Variants in NID1 observed in about 807,000 individuals in gnomAD.
The protein encoded by NID1 is nidogen-1.
In NID1, 76 loss-of-function variants were observed where a neutral mutation model predicts 130.6. The ratio of observed to expected loss-of-function variants is 0.58; its 90% CI spans 0.48 to 0.70. NID1 has a LOEUF of 0.70. NID1 is among the 30% of genes least tolerant of loss of function. The pLI, the probability that NID1 is intolerant of heterozygous loss-of-function variation, is 0.00. For synonymous variants in NID1, 665 were observed against 675.1 expected (o/e 0.98, Z 0.23); for missense variants, 1,517 against 1,664.8 (o/e 0.91, Z 1.54).
chr1:236,034,093 G>A (rs1035387305), intron 5 of NID1, among the ~76,000 whole-genome samples: 8 of 152,026 alleles, frequency 5.3e-5, no homozygotes, highest in African/African-American at 1.9e-4. Context: ...AACAAAATAC[G>A]GTACCTCCAT....
At chr1:236,063,504 A>T (rs955633466) in intron 1 of NID1, among the ~76,000 whole-genome samples, 4 of 151,910 alleles carry the variant, frequency 2.6e-5, no homozygotes, top group Non-Finnish European at 4.4e-5. Context: ...ATAAATAAAT[A>T]AAGTAAGCAT....
chr1:236,053,507 C>A (rs1347194059), intron 1 of NID1, among the ~76,000 whole-genome samples: 3 of 152,130 alleles, frequency 2.0e-5, no homozygotes, highest in Admixed American at 6.6e-5. Context: ...TATCCTTATT[C>A]CTCAGCTGAA....
chr1:236,024,318 C>A, intron 8 of NID1, 105 bp from the exon 9 acceptor site: 1 of 1,365,966 alleles, frequency 7.3e-7, no homozygotes, highest in Non-Finnish European at 1.0e-6. Context: ...AAGGTGATCA[C>A]AGAAGAGCAG....
intron 1 of NID1, among the ~76,000 whole-genome samples, chr1:236,056,592 G>A (rs138193789): frequency 1.3e-3 from 194 of 152,072 alleles, no homozygotes; most frequent in African/African-American, 4.5e-3. Flanking sequence ...TCCTTCTATC[G>A]AACTGTATGT....
intron 1 of NID1, among the ~76,000 whole-genome samples, chr1:236,049,802 G>A (rs1438052065): frequency 6.6e-6 from 1 of 151,772 alleles, no homozygotes; most frequent in Non-Finnish European, 1.5e-5. Context: ...CACTTTGGGA[G>A]GCCGAGGTGG....
chr1:236,047,841 A>G (rs1173786601), intron 2 of NID1, among the ~76,000 whole-genome samples: 1 of 151,320 alleles, frequency 6.6e-6, no homozygotes, highest in East Asian at 1.9e-4. Flanking sequence ...AGCCTGGCCA[A>G]TGTGGTGAAA....
rs1433504726 is a variant in NID1, at chr1:235,979,210, A to G, written c.3510-103T>C. The G allele has an allele frequency of 1.4e-6, 1 of 730,366 alleles. No individual in the cohort carries two copies. The highest frequency in any genetic ancestry group is 2.7e-5 in the East Asian group (1 of 37,260). The allele number at this position is 730,366 out of a possible 1,614,324, so 45.2% of individuals were successfully genotyped here. ...TCATTTTGAGGATAAACTGGAGGCC[A>G]TAAACAGACATGATGGCCTTCTTCC... On this transcript the variant is annotated intron_variant, in intron 18 of 19. Coordinates refer to ENST00000264187, the MANE Select transcript of NID1 (RefSeq NM_002508.3). The surrounding 1 kb of genome is among the most constrained non-coding windows in gnomAD (Gnocchi z 4.6).
At chr1:236,054,823 G>A (rs1385649119) in intron 1 of NID1, among the ~76,000 whole-genome samples, 2 of 151,466 alleles carry the variant, frequency 1.3e-5, no homozygotes, top group South Asian at 2.1e-4. Flanking sequence ...TATATTTTTA[G>A]TGGACACAGG....
At chr1:235,983,725 C>G in intron 15 of NID1, among the ~76,000 whole-genome samples, 1 of 152,140 alleles carries the variant, frequency 6.6e-6, no homozygotes, top group Middle Eastern at 3.2e-3. Context: ...GCTACTCTTC[C>G]AAGGGAAAGG....
At chr1:236,038,819 T>C (rs11584468) in intron 4 of NID1, among the ~76,000 whole-genome samples, 3,108 of 108,648 alleles carry the variant, frequency 0.029, 307 homozygotes, top group African/African-American at 0.063. Context: ...ATTACCTATG[T>C]TATATAGGTC....
intron 15 of NID1, among the ~76,000 whole-genome samples, chr1:235,983,292 C>T (rs964307330): frequency 2.0e-5 from 3 of 152,152 alleles, no homozygotes; most frequent in African/African-American, 7.2e-5. Context: ...ATCAGAGCCC[C>T]CAGAAAGAAA....
intron 12 of NID1, among the ~76,000 whole-genome samples, chr1:236,004,617 C>G (rs1285194200): frequency 1.3e-5 from 2 of 151,440 alleles, no homozygotes; most frequent in South Asian, 2.1e-4. Context: ...AAAAAATTAG[C>G]CAGGCGTGGT....
chr1:235,991,280 C>T (rs1323937773), intron 13 of NID1, among the ~76,000 whole-genome samples: 1 of 152,202 alleles, frequency 6.6e-6, no homozygotes, highest in African/African-American at 2.4e-5. Flanking sequence ...TCAAAGAGCA[C>T]TGATGAAGAA....
chr1:236,052,209 T>C (rs1378207738), intron 1 of NID1, among the ~76,000 whole-genome samples: 1 of 152,252 alleles, frequency 6.6e-6, no homozygotes, highest in African/African-American at 2.4e-5. Flanking sequence ...TCCCGTCCAC[T>C]TGGGTGCAAG....
intron 1 of NID1, among the ~76,000 whole-genome samples, chr1:236,061,076 G>A (rs972198135): frequency 5.9e-5 from 9 of 152,216 alleles, no homozygotes; most frequent in Non-Finnish European, 8.8e-5. Context: ...CATGGTTGAT[G>A]AGGAAAACCT....
intron 12 of NID1, among the ~76,000 whole-genome samples, chr1:236,005,588 C>G (rs910955409): frequency 2.6e-5 from 4 of 152,100 alleles, no homozygotes; most frequent in Admixed American, 2.0e-4. Context: ...TAAGTGTTAG[C>G]TATTATTACT....
At chr1:236,019,570 G>T (rs145670751) in intron 9 of NID1, among the ~76,000 whole-genome samples, 80 of 152,268 alleles carry the variant, frequency 5.3e-4, no homozygotes, top group Middle Eastern at 3.4e-3. Context: ...AGGACCTCAG[G>T]GCTGCTGGGA....
chr1:236,063,307 A>C (rs562459346), intron 1 of NID1, among the ~76,000 whole-genome samples: 34 of 151,870 alleles, frequency 2.2e-4, no homozygotes, highest in African/African-American at 8.0e-4. Flanking sequence ...CCATGTCTCT[A>C]CTTAAAATAC....
At chr1:236,017,915 C>T (rs1658649261) in intron 9 of NID1, among the ~76,000 whole-genome samples, 1 of 152,100 alleles carries the variant, frequency 6.6e-6, no homozygotes, top group South Asian at 2.1e-4. Flanking sequence ...TACTGAGAGT[C>T]TCTGAATATT....
Sources: allele counts gnomAD v4.1 joint callset (sites outside exome capture counted in the v4.1 genomes callset), GRCh38; gene constraint gnomAD v4.1.1; non-coding constraint Gnocchi (gnomAD v3.1); transcripts MANE v1.5; gene names NCBI Gene and HGNC (gene_info 2026-07-23, HGNC 2026-07-21).